GRM7: variants seen among roughly 807,000 people sequenced by gnomAD.
The protein encoded by GRM7 is metabotropic glutamate receptor 7.
A neutral mutation model predicts 84.5 loss-of-function variants in GRM7; 35 were observed. The observed-to-expected ratio is 0.41, with a 90% CI of 0.32 to 0.55. The LOEUF (loss-of-function observed/expected upper bound fraction) is 0.55, where lower values mean the gene tolerates loss of function less well. Ranked by LOEUF, GRM7 falls within the 20% of genes least tolerant of loss-of-function variation. The pLI is 0.19. For missense variants in GRM7, 1,003 were observed against 1,194.6 expected (o/e 0.84, Z 2.36); for synonymous variants, 487 against 455.1 (o/e 1.07, Z -0.89).
At chr3:7,645,860 G>C (rs888021375) in intron 8 of GRM7, among the ~76,000 whole-genome samples, 1 of 152,150 alleles carries the variant, frequency 6.6e-6, no homozygotes, top group Non-Finnish European at 1.5e-5. Flanking sequence ...AGTCTCCTGG[G>C]AGTACACTGA....
chr3:7,610,866 C>T (rs922855887), intron 8 of GRM7, among the ~76,000 whole-genome samples: 1 of 152,094 alleles, frequency 6.6e-6, no homozygotes, highest in African/African-American at 2.4e-5. Flanking sequence ...ATGTGGTTAG[C>T]GAAAACATTA....
chr3:6,883,097 G>A (rs1695570655), intron 1 of GRM7, among the ~76,000 whole-genome samples: 2 of 151,986 alleles, frequency 1.3e-5, no homozygotes. Context: ...TTTCATTTGT[G>A]CCACTCTGTT....
chr3:7,708,570 T>C (rs1247930794), intron 9 of GRM7, among the ~76,000 whole-genome samples: 5 of 152,180 alleles, frequency 3.3e-5, no homozygotes, highest in African/African-American at 1.2e-4. Flanking sequence ...TTTAACTTTA[T>C]ACAGGTACAG....
chr3:7,569,682 G>T (rs527563901), intron 7 of GRM7, among the ~76,000 whole-genome samples: 33 of 152,156 alleles, frequency 2.2e-4, no homozygotes, highest in African/African-American at 7.0e-4. Flanking sequence ...CACCATGAAG[G>T]TCTACAGCTT....
intron 1 of GRM7, among the ~76,000 whole-genome samples, chr3:7,002,396 C>G (rs557308951): frequency 6.6e-6 from 1 of 152,182 alleles, no homozygotes; most frequent in Admixed American, 6.5e-5. Flanking sequence ...CTCCTATGTA[C>G]CATTTAATAG....
intron 8 of GRM7, among the ~76,000 whole-genome samples, chr3:7,657,679 C>T (rs544204252): frequency 8.5e-5 from 13 of 152,136 alleles, no homozygotes; most frequent in African/African-American, 2.9e-4. Context: ...ACGAATCACA[C>T]GTTTTTGGAG....
At chr3:7,552,194 C>T (rs1477748899) in intron 7 of GRM7, among the ~76,000 whole-genome samples, 1 of 152,238 alleles carries the variant, frequency 6.6e-6, no homozygotes, top group African/African-American at 2.4e-5. Flanking sequence ...AGAATGATCT[C>T]TTTTGACTCC....
At chr3:7,374,299 GTC>G (rs1694255488) in intron 4 of GRM7, among the ~76,000 whole-genome samples, 1 of 151,748 alleles carries the variant, frequency 6.6e-6, no homozygotes. Context: ...TCCCACCTCA[GTC>G]TCTACTCTAG....
At chr3:7,591,468 T>C (rs769448253) in intron 8 of GRM7, 4 of 447,124 alleles carry the variant, frequency 8.9e-6, no homozygotes, top group Non-Finnish European at 1.8e-5. Flanking sequence ...GGTAGTTTTA[T>C]GCTGTATATC....
At chr3:7,473,346 A>C (rs1698779363) in intron 7 of GRM7, among the ~76,000 whole-genome samples, 1 of 152,112 alleles carries the variant, frequency 6.6e-6, no homozygotes, top group South Asian at 2.1e-4. Context: ...GTGTGATGGC[A>C]CATGCTTGTA....
At chr3:7,141,404 A>G (rs1044864189) in intron 1 of GRM7, among the ~76,000 whole-genome samples, 3 of 152,104 alleles carry the variant, frequency 2.0e-5, no homozygotes, top group Non-Finnish European at 4.4e-5. Context: ...CATGGAGACA[A>G]TTATAAGATT....
Position 7,298,832 on chromosome 3 carries a change from A to G in GRM7, c.878+7A>G. On this transcript the variant is annotated splice_region_variant and intron_variant, in intron 3 of 9. Transcript: ENST00000357716. ...CCAACGATGAGGATATAAAGTAAGA[A>G]TAACTGGTGACAATTGTTAATATGC... 6.2e-7 allele frequency: 1 copy of G among 1,612,082 alleles called. No individual in the cohort carries two copies. Among genetic ancestry groups the G allele is most frequent in the South Asian group, 1.1e-5 (1 of 91,026 alleles).
At chr3:7,162,671 A>G (rs1448712525) in intron 2 of GRM7, among the ~76,000 whole-genome samples, 3 of 149,494 alleles carry the variant, frequency 2.0e-5, no homozygotes, top group African/African-American at 7.3e-5. Context: ...TTAAAAAGGC[A>G]ATTTGAGGAT....
chr3:7,124,086 G>C (rs1183679619), intron 1 of GRM7, among the ~76,000 whole-genome samples: 1 of 152,014 alleles, frequency 6.6e-6, no homozygotes, highest in Non-Finnish European at 1.5e-5. Context: ...ACTTTGGTGT[G>C]ATCCAGAATC....
At chr3:6,998,910 A>G (rs368157428) in intron 1 of GRM7, among the ~76,000 whole-genome samples, 49 of 152,298 alleles carry the variant, frequency 3.2e-4, no homozygotes, top group African/African-American at 1.2e-3. Context: ...TCTGTGATGG[A>G]GAAGCTGCCA....
rs2125009004 is a variant in GRM7, at chr3:7,091,296, G to A, written c.520-55156G>A. On this transcript the variant is annotated intron_variant, in intron 1 of 9. Coordinates refer to ENST00000357716, the MANE Select transcript of GRM7 (RefSeq NM_000844.4). ...TGTTGATAACTAAAGGCCTTCTTCT[G>A]GGACTTAAATATCCTCTAGGTTTCT... Among the ~76,000 whole-genome samples the A allele has an allele frequency of 2.6e-5, 4 of 152,162 alleles. No individual in the cohort carries two copies. The South Asian group carries it at 8.3e-4, about 32-fold the overall frequency.
intron 7 of GRM7, among the ~76,000 whole-genome samples, chr3:7,474,473 G>A (rs1698839320): frequency 6.7e-6 from 1 of 150,148 alleles, no homozygotes; most frequent in Non-Finnish European, 1.5e-5. Context: ...ATTGAGAGTA[G>A]TAACCCCCCA....
intron 1 of GRM7, among the ~76,000 whole-genome samples, chr3:6,870,851 AT>A (rs1285096610): frequency 6.6e-6 from 1 of 152,154 alleles, no homozygotes; most frequent in Non-Finnish European, 1.5e-5. Flanking sequence ...AATTGAAAAG[AT>A]TCAATTGGGG....
At chr3:7,716,751 C>T (rs1274841651) in intron 9 of GRM7, among the ~76,000 whole-genome samples, 3 of 152,186 alleles carry the variant, frequency 2.0e-5, no homozygotes, top group African/African-American at 7.2e-5. Context: ...ATTTACAGGA[C>T]ATCAGTACAG....
Sources: gnomAD v4.1 joint callset for allele counts (sites outside exome capture counted in the v4.1 genomes callset) on GRCh38, gnomAD v4.1.1 for gene constraint, MANE v1.5 for transcripts, NCBI Gene and HGNC (gene_info 2026-07-23, HGNC 2026-07-21) for gene names.